The following CBL variants were observed in gnomAD, a reference collection of about 807,000 sequenced individuals.
CBL encodes the protein Cbl proto-oncogene, also known as E3 ubiquitin-protein ligase CBL.
A neutral mutation model predicts 96.9 loss-of-function variants in CBL; 45 were observed. That is an observed-to-expected ratio of 0.46 (90% CI 0.37 to 0.60). CBL has a LOEUF of 0.60. Among genes scored for constraint, CBL ranks in the 20% least tolerant of loss-of-function variants. CBL has a pLI of 0.00. For synonymous variants in CBL, 420 were observed against 426.8 expected, an observed-to-expected ratio of 0.98 and a Z score of 0.20; for missense variants, 1,024 against 1,143.5, an observed-to-expected ratio of 0.90 and a Z score of 1.51.
chr11:119,280,566 A>C (rs1949925339), intron 9 of CBL, among the ~76,000 whole-genome samples: 2 of 152,104 alleles, frequency 1.3e-5, no homozygotes, highest in Non-Finnish European at 2.9e-5. Context: ...TAATATACTG[A>C]ATCTACTTAT....
chr11:119,256,992 G>A (rs570685887), intron 2 of CBL, among the ~76,000 whole-genome samples: 8 of 152,246 alleles, frequency 5.3e-5, no homozygotes, highest in Admixed American at 2.0e-4. Flanking sequence ...CACTTAGGTT[G>A]GTTCCATATC....
Position 119,246,262 on chromosome 11 carries a change from C to CGCGCCCG in CBL, c.443+13570_443+13576dup, listed in dbSNP as rs1949631029. Among the ~76,000 whole-genome samples, 6 of 151,424 alleles carry CGCGCCCG rather than the reference C, an allele frequency of 4.0e-5. No homozygotes were observed. The South Asian group carries it at 1.3e-3, about 32-fold the overall frequency. ...TGCTGGGATTACAGGTGCGAACCACCGCGCCCGGCCTTACAAATCTTTTTA... is the reference window on the plus strand; with the variant it reads ...TGCTGGGATTACAGGTGCGAACCACCGCGCCCGGCGCCCGGCCTTACAAATCTTTTTA... On this transcript the variant is annotated intron_variant, in intron 2 of 15. Coordinates refer to ENST00000264033, the MANE Select transcript of CBL (RefSeq NM_005188.4).
At chr11:119,241,322 T>C (rs1949585147) in intron 2 of CBL, among the ~76,000 whole-genome samples, 1 of 152,192 alleles carries the variant, frequency 6.6e-6, no homozygotes, top group South Asian at 2.1e-4. Flanking sequence ...AGAAGCCGAA[T>C]GGGATTATAC....
chr11:119,276,429 A>G (rs187871905), intron 6 of CBL, among the ~76,000 whole-genome samples: 50 of 152,316 alleles, frequency 3.3e-4, no homozygotes, highest in Middle Eastern at 3.4e-3. Context: ...AAAATATACC[A>G]ATTAGCAGGA....
rs1365902276 is a variant in CBL, at chr11:119,304,858, C to T, written c.*5077C>T. 3 of 188,774 alleles carry T rather than the reference C, an allele frequency of 1.6e-5. No individual in the cohort carries two copies. The highest frequency in any genetic ancestry group is 2.2e-5 in the Non-Finnish European group (2 of 89,762). 11.7% of individuals were successfully genotyped at this position (188,774 alleles called of 1,614,324 possible). A position where few individuals can be genotyped will look rare whatever the true frequency, so the allele number is the denominator to read the frequency against. On this transcript the variant is annotated 3_prime_UTR_variant, in exon 16 of 16. Transcript: ENST00000264033. ...CTAGGCTGGTCTTGAACTCCTGACCCTCATGATCCACCCACCTCGGCCTCC... is the reference window on the plus strand; with the variant it reads ...CTAGGCTGGTCTTGAACTCCTGACCTTCATGATCCACCCACCTCGGCCTCC...
At chr11:119,271,616 G>A in intron 2 of CBL, 119 bp from the exon 3 acceptor site, 2 of 874,696 alleles carry the variant, frequency 2.3e-6, no homozygotes, top group Non-Finnish European at 3.7e-6. Flanking sequence ...TATTTGAAGA[G>A]GTTCTTTCTA....
At chr11:119,288,865 A>G (rs1230830440) in intron 12 of CBL, among the ~76,000 whole-genome samples, 1 of 152,238 alleles carries the variant, frequency 6.6e-6, no homozygotes, top group Non-Finnish European at 1.5e-5. Flanking sequence ...AAGGGCTTCA[A>G]CAGATGATTT....
rs529409343 is a variant in CBL, at chr11:119,280,902, G to C, written c.1431+2189G>C. Among the ~76,000 whole-genome samples the C allele has an allele frequency of 6.2e-4, 95 of 152,190 alleles. 1 individual carries two copies. The South Asian group carries it at 0.019, about 30-fold the overall frequency. ...TGTTTACATGATTTCACTCCTTACT[G>C]TGCCAAGTAACATACTATACAATAA... On this transcript the variant is annotated intron_variant, in intron 9 of 15. Coordinates refer to ENST00000264033, the MANE Select transcript of CBL (RefSeq NM_005188.4).
chr11:119,272,463 A>G (rs573132981), intron 3 of CBL, among the ~76,000 whole-genome samples: 1 of 152,234 alleles, frequency 6.6e-6, no homozygotes, highest in Admixed American at 6.5e-5. Flanking sequence ...ATTATTTGCT[A>G]TCAGCAGTGA....
At chr11:119,287,276 CGCGTAAAA>C (rs1447326998) in intron 11 of CBL, among the ~76,000 whole-genome samples, 1 of 152,190 alleles carries the variant, frequency 6.6e-6, no homozygotes, top group Non-Finnish European at 1.5e-5. Flanking sequence ...GCACTGCATG[CGCGTAAAA>C]ACGAAACTTT....
At chr11:119,264,678 C>A (rs1949787404) in intron 2 of CBL, among the ~76,000 whole-genome samples, 1 of 149,292 alleles carries the variant, frequency 6.7e-6, no homozygotes, top group South Asian at 2.1e-4. Context: ...GACGGACTTT[C>A]ACCATGTTGC....
Position 119,297,660 on chromosome 11 carries a change from G to A in CBL, c.2251+179G>A, listed in dbSNP as rs2186882. 0.27 allele frequency among the ~76,000 whole-genome samples: 41,742 copies of A among 152,086 alleles called. 6,196 individuals are homozygous for A. The highest frequency in any genetic ancestry group is 0.59 in the South Asian group (2,810 of 4,798). ...TTTAGTAGAGACGGGGTTTCACTATGTTGGCCAGGCTGGCCTTGAACTCCT... is the reference window on the plus strand; with the variant it reads ...TTTAGTAGAGACGGGGTTTCACTATATTGGCCAGGCTGGCCTTGAACTCCT... On this transcript the variant is annotated intron_variant, in intron 14 of 15. Coordinates refer to ENST00000264033, the MANE Select transcript of CBL (RefSeq NM_005188.4).
Position 119,299,649 on chromosome 11 carries a change from C to G in CBL, c.2589C>G (p.Asn863Lys), listed in dbSNP as rs397517081. ...CTCAGCTCTCCAGTGAGATCGAGAA[C>G]CTCATGAGTCAGGGGTACTCCTACC... ...ASPQLSSEIE[N>K]LMSQGYSYQD... Residue 863 changes from asparagine (N) to lysine (K), a missense_variant, in exon 16 of 16, where the codon AAC becomes AAG. Physicochemically the swap from Asn to Lys is moderately conservative, Grantham distance 94 (BLOSUM62 0). Around this residue, in one of 4 missense-constraint regions of CBL, gnomAD observed 695 missense variants for 661.6 expected, o/e 1.05. Transcript: ENST00000264033. 3 of 1,614,218 alleles carry G rather than the reference C, an allele frequency of 1.9e-6. No homozygotes were observed. The highest frequency in any genetic ancestry group is 2.5e-6 in the Non-Finnish European group (3 of 1,180,026).
At chr11:119,221,505 C>T (rs962854247) in intron 1 of CBL, among the ~76,000 whole-genome samples, 2 of 151,996 alleles carry the variant, frequency 1.3e-5, no homozygotes, top group South Asian at 2.1e-4. Flanking sequence ...CAGTGGCTCA[C>T]GTCTATAATC....
chr11:119,252,138 G>GA (rs749779924), intron 2 of CBL, among the ~76,000 whole-genome samples: 355 of 134,772 alleles, frequency 2.6e-3, no homozygotes, highest in African/African-American at 4.5e-3. Context: ...TACAGAAATG[G>GA]AAAAAAAAAA....
intron 3 of CBL, 28 bp from the exon 4 acceptor site, chr11:119,273,840 T>G: frequency 6.2e-7 from 1 of 1,606,342 alleles, no homozygotes. Context: ...TTATTTCACT[T>G]TATGCCTCCT....
intron 4 of CBL, 99 bp downstream of exon 4, chr11:119,274,123 G>A: frequency 1.1e-6 from 1 of 907,088 alleles, no homozygotes; most frequent in Non-Finnish European, 1.7e-6. Context: ...GTTTTTGTCT[G>A]TATGAAAGTA....
chr11:119,235,023 G>A (rs1949532521), intron 2 of CBL, among the ~76,000 whole-genome samples: 2 of 152,184 alleles, frequency 1.3e-5, no homozygotes, highest in Admixed American at 1.3e-4. Flanking sequence ...AAGTCAGATT[G>A]TAAAGGGCTG....
In CBL at chr11:119,271,870, T is replaced by G; in HGVS notation, c.579T>G (p.Ala193=). 1 of 1,613,962 alleles carries G rather than the reference T, an allele frequency of 6.2e-7. No homozygotes were observed. Among genetic ancestry groups the G allele is most frequent in the Non-Finnish European group, 8.5e-7 (1 of 1,179,876 alleles). The change falls in exon 3 of 16, where the codon GCT becomes GCG. Residue 193 remains alanine, a synonymous_variant. Coordinates refer to ENST00000264033, the MANE Select transcript of CBL (RefSeq NM_005188.4). ...ATGCTGCGGAATTTTGGAGAAAAGC[T>G]TTTGGGGAAAAGTAAGTCTCAGAAT... ...KADAAEFWRK[A]FGEKTIVPWK...
Sources: allele counts gnomAD v4.1 joint callset (sites outside exome capture counted in the v4.1 genomes callset), GRCh38; gene constraint gnomAD v4.1.1; regional missense constraint gnomAD v4.1.1; transcripts MANE v1.5; gene names NCBI Gene and HGNC (gene_info 2026-07-23, HGNC 2026-07-21).